The following CDKN2B-AS1 variants were observed in gnomAD, a reference collection of about 807,000 sequenced individuals.
The protein encoded by CDKN2B-AS1 is CDKN2B antisense RNA 1 (non-protein coding).
chr9:22,039,969 T>C lies in CDKN2B-AS1; in HGVS notation n.30-6782T>C, dbSNP rs552586883. Among the ~76,000 whole-genome samples the C allele has an allele frequency of 6.6e-6, 1 of 152,178 alleles. No homozygotes were observed. Among genetic ancestry groups the C allele is most frequent in the African/African-American group, 2.4e-5 (1 of 41,572 alleles). ...GAATTTTGGCCATAGAGACATGCAC[T>C]GGGAGAATGCTCTCTGAAGACTGGA... On this transcript the variant is annotated intron_variant and non_coding_transcript_variant, in intron 1 of 4. Coordinates refer to ENST00000650946, the Ensembl canonical transcript of CDKN2B-AS1. This position sits in a 1 kb window ranked among gnomAD's most constrained non-coding sequence, Gnocchi z 4.4.
chr9:22,109,126 T>C lies in CDKN2B-AS1; in HGVS notation n.439-17977T>C, dbSNP rs539787626. On this transcript the variant is annotated intron_variant and non_coding_transcript_variant, in intron 4 of 4. Coordinates refer to ENST00000650946, the Ensembl canonical transcript of CDKN2B-AS1. ...GCAAATAAGAGGCGATCATCATTCT[T>C]CAGTCATAAAGATAAGCCAAGGAAT... Among the ~76,000 whole-genome samples the C allele has an allele frequency of 8.5e-5, 13 of 152,308 alleles. No homozygotes were observed. The East Asian group carries it at 2.5e-3, about 29-fold the overall frequency.
intron 1 of CDKN2B-AS1, among the ~76,000 whole-genome samples, chr9:22,028,556 C>G (rs898196721): frequency 3.3e-5 from 5 of 152,032 alleles, no homozygotes; most frequent in African/African-American, 1.2e-4. Flanking sequence ...ACCCTAGTCT[C>G]AAATTTGTAC....
At chr9:22,106,841 G>C (rs561264837) in intron 4 of CDKN2B-AS1, among the ~76,000 whole-genome samples, 2 of 152,212 alleles carry the variant, frequency 1.3e-5, no homozygotes, top group East Asian at 3.9e-4. Flanking sequence ...GTATCTAATT[G>C]GATCTTAACA....
In CDKN2B-AS1 at chr9:22,006,226, G is replaced by A. The variant is rs751427195; in HGVS notation, n.29+11065G>A. ...TGGAGCAGCAGCAGCTCCGCCACGCGGGCGCTGCCCATCATCATGACCTGC... is the reference window on the plus strand; with the variant it reads ...TGGAGCAGCAGCAGCTCCGCCACGCAGGCGCTGCCCATCATCATGACCTGC... On this transcript the variant is annotated intron_variant and non_coding_transcript_variant, in intron 1 of 4. Coordinates refer to ENST00000650946, the Ensembl canonical transcript of CDKN2B-AS1. This position sits in a 1 kb window ranked among gnomAD's most constrained non-coding sequence, Gnocchi z 6.4. 9.3e-6 allele frequency: 15 copies of A among 1,606,614 alleles called. No homozygotes were observed. The highest frequency in any genetic ancestry group is 1.3e-5 in the Non-Finnish European group (15 of 1,179,836).
At chr9:22,060,934 G>A (rs1436524236) in intron 4 of CDKN2B-AS1, among the ~76,000 whole-genome samples, 1 of 152,056 alleles carries the variant, frequency 6.6e-6, no homozygotes, top group Non-Finnish European at 1.5e-5. Flanking sequence ...ACCTCACCCT[G>A]GATACCTCCC....
chr9:22,063,720 A>G (rs766840515), intron 4 of CDKN2B-AS1, among the ~76,000 whole-genome samples: 3 of 152,130 alleles, frequency 2.0e-5, no homozygotes, highest in Non-Finnish European at 4.4e-5. Context: ...TTCAACTTCA[A>G]CTGTCTGTTT....
chr9:22,096,333 A>G (rs1357914820), intron 4 of CDKN2B-AS1: 1 of 152,226 alleles, frequency 6.6e-6, no homozygotes, highest in Admixed American at 6.5e-5. Flanking sequence ...ATTGGACACC[A>G]TTCGTTCATT....
At chr9:21,998,531 G>A (rs931247861) in intron 1 of CDKN2B-AS1, among the ~76,000 whole-genome samples, 10 of 152,204 alleles carry the variant, frequency 6.6e-5, no homozygotes, top group South Asian at 2.1e-4. Flanking sequence ...AGGGTCAATA[G>A]GGAGTGAGTT....
rs1307645040 is a variant in CDKN2B-AS1 at position 21,997,469 on chromosome 9, AAGAG to A, written n.29+2311_29+2314del. Among the ~76,000 whole-genome samples, 1 of 148,096 alleles carries A rather than the reference AAGAG, an allele frequency of 6.8e-6. No individual in the cohort carries two copies. Among genetic ancestry groups the A allele is most frequent in the Non-Finnish European group, 1.5e-5 (1 of 66,146 alleles). On this transcript the variant is annotated intron_variant and non_coding_transcript_variant, in intron 1 of 4. Coordinates refer to ENST00000650946, the Ensembl canonical transcript of CDKN2B-AS1. The surrounding 1 kb of genome is among the most constrained non-coding windows in gnomAD (Gnocchi z 4.8). ...TACACACACATATGTGGGGGAGAGA[AAGAG>A]AGGGAGGGAGAGAGAGAGAGAGAGA...
chr9:22,100,962 C>G (rs1375275815), intron 4 of CDKN2B-AS1, among the ~76,000 whole-genome samples: 1 of 152,110 alleles, frequency 6.6e-6, no homozygotes, highest in Non-Finnish European at 1.5e-5. Flanking sequence ...GATGAAATGT[C>G]TATTTGAATA....
Position 21,997,300 on chromosome 9 carries a change from C to T in CDKN2B-AS1, n.29+2139C>T, listed in dbSNP as rs186750992. On this transcript the variant is annotated intron_variant and non_coding_transcript_variant, in intron 1 of 4. Transcript: ENST00000650946. This position sits in a 1 kb window ranked among gnomAD's most constrained non-coding sequence, Gnocchi z 4.8. ...TGCTACAACTTTAGGACAGCTATGA[C>T]ATCACTAGGGGATAGGAATTTTTCA... Among the ~76,000 whole-genome samples the T allele has an allele frequency of 3.3e-5, 5 of 152,296 alleles. No individual in the cohort carries two copies. The highest frequency in any genetic ancestry group is 2.0e-4 in the Admixed American group (3 of 15,302).
At chr9:21,998,228 A>G (rs560456035) in intron 1 of CDKN2B-AS1, among the ~76,000 whole-genome samples, 6 of 152,308 alleles carry the variant, frequency 3.9e-5, no homozygotes, top group Non-Finnish European at 8.8e-5. Context: ...CTAGCATAAC[A>G]ATGGGTATGT....
At chr9:22,056,049 C>CT (rs752585465) in intron 3 of CDKN2B-AS1, among the ~76,000 whole-genome samples, 4,235 of 138,326 alleles carry the variant, frequency 0.031, 93 homozygotes, top group Non-Finnish European at 0.046. Context: ...ATTTTTTTTT[C>CT]TTTTTTTTTT....
At chr9:22,045,507 G>A (rs113330652) in intron 1 of CDKN2B-AS1, among the ~76,000 whole-genome samples, 28 of 151,984 alleles carry the variant, frequency 1.8e-4, no homozygotes, top group African/African-American at 6.5e-4. Flanking sequence ...TATTATCTCA[G>A]CAAATGTACA....
At chr9:22,027,844 A>G (rs1237639387) in intron 1 of CDKN2B-AS1, among the ~76,000 whole-genome samples, 1 of 152,240 alleles carries the variant, frequency 6.6e-6, no homozygotes, top group Non-Finnish European at 1.5e-5. Flanking sequence ...GGAAAAATAA[A>G]TGAAATAAAT....
At chr9:22,056,060 T>C (rs187680806) in intron 3 of CDKN2B-AS1, among the ~76,000 whole-genome samples, 1 of 150,024 alleles carries the variant, frequency 6.7e-6, no homozygotes, top group African/African-American at 2.4e-5. Flanking sequence ...TTTTTTTTTT[T>C]TTGAGACGGA....
chr9:22,112,932 T>C (rs75392978), intron 4 of CDKN2B-AS1, among the ~76,000 whole-genome samples: 1 of 152,132 alleles, frequency 6.6e-6, no homozygotes, highest in Non-Finnish European at 1.5e-5. Flanking sequence ...TCGGCAAAAC[T>C]AGAAGGTTGG....
At chr9:22,078,470 C>A (rs1028429724) in intron 4 of CDKN2B-AS1, among the ~76,000 whole-genome samples, 8 of 152,136 alleles carry the variant, frequency 5.3e-5, no homozygotes, top group Non-Finnish European at 1.5e-5. Flanking sequence ...GGCAGTTAGG[C>A]CTTTACTTAC....
chr9:22,017,972 C>T (rs968707397), intron 1 of CDKN2B-AS1, among the ~76,000 whole-genome samples: 2 of 152,154 alleles, frequency 1.3e-5, no homozygotes, highest in African/African-American at 4.8e-5. Context: ...GAATCTAGTG[C>T]ATTTCACAAC....
Sources: gnomAD v4.1 joint callset for allele counts (sites outside exome capture counted in the v4.1 genomes callset) on GRCh38, gnomAD v4.1.1 for gene constraint, Gnocchi (gnomAD v3.1) non-coding constraint, MANE v1.5 for transcripts, NCBI Gene and HGNC (gene_info 2026-07-23, HGNC 2026-07-21) for gene names.